Variants in ATP8A2 observed in about 807,000 individuals in gnomAD.
The protein encoded by ATP8A2 is ATPase phospholipid transporting 8A2, also known as phospholipid-transporting ATPase IB.
Under a neutral mutation model 165.6 loss-of-function variants are expected in ATP8A2, and 100 were observed. The observed-to-expected ratio is 0.60, with a 90% CI of 0.51 to 0.71. The LOEUF (loss-of-function observed/expected upper bound fraction) is 0.71. Ranked by LOEUF, ATP8A2 falls within the 30% of genes least tolerant of loss-of-function variation. ATP8A2 has a pLI of 0.00. For synonymous variants in ATP8A2, 543 were observed against 548.8 expected, an observed-to-expected ratio of 0.99 and a Z score of 0.15; for missense variants, 1,227 against 1,479.5, an observed-to-expected ratio of 0.83 and a Z score of 2.80.
chr13:25,717,839 G>A (rs757954052), intron 25 of ATP8A2, among the ~76,000 whole-genome samples: 2 of 152,158 alleles, frequency 1.3e-5, no homozygotes, highest in Non-Finnish European at 2.9e-5. Context: ...TGCAGTTCCT[G>A]TGGTCTGGCA....
chr13:25,617,221 C>G (rs2040849204), intron 24 of ATP8A2, among the ~76,000 whole-genome samples: 1 of 150,954 alleles, frequency 6.6e-6, no homozygotes, highest in African/African-American at 2.4e-5. Flanking sequence ...TTCATTTCCT[C>G]AAAGTTAATT....
chr13:25,469,064 C>G lies in ATP8A2; in HGVS notation c.164C>G (p.Ala55Gly). 4 of 1,614,106 alleles carry G rather than the reference C, an allele frequency of 2.5e-6. No homozygotes were observed. Among genetic ancestry groups the G allele is most frequent in the Admixed American group, 1.7e-5 (1 of 60,032 alleles). ...TSVGDQLEAP[A>G]RTIYLNQPHL... ...GTTGGAGACCAGCTGGAGGCACCCGCCCGCACCATTTACCTCAACCAACCG... is the reference window on the plus strand; with the variant it reads ...GTTGGAGACCAGCTGGAGGCACCCGGCCGCACCATTTACCTCAACCAACCG... Residue 55 changes from alanine (A) to glycine (G), a missense_variant, in exon 2 of 37, where the codon GCC becomes GGC. Coordinates refer to ENST00000381655, the MANE Select transcript of ATP8A2 (RefSeq NM_016529.6).
chr13:25,757,530 C>T (rs1026158031), intron 25 of ATP8A2, among the ~76,000 whole-genome samples: 2 of 146,844 alleles, frequency 1.4e-5, no homozygotes, highest in East Asian at 1.9e-4. Flanking sequence ...TGTGTGCACA[C>T]GCACTTAGAA....
chr13:25,470,955 G>A (rs2137531225), intron 2 of ATP8A2, among the ~76,000 whole-genome samples: 1 of 152,234 alleles, frequency 6.6e-6, no homozygotes, highest in Non-Finnish European at 1.5e-5. Context: ...CCTGGGGCTG[G>A]GGAAGAGAGA....
intron 25 of ATP8A2, among the ~76,000 whole-genome samples, chr13:25,732,083 C>T (rs2043661113): frequency 6.6e-6 from 1 of 152,182 alleles, no homozygotes. Flanking sequence ...TCTGTCTTCC[C>T]TGTGTTAGTG....
intron 35 of ATP8A2, among the ~76,000 whole-genome samples, chr13:25,982,542 G>A (rs191674566): frequency 2.0e-5 from 3 of 152,290 alleles, no homozygotes; most frequent in Non-Finnish European, 4.4e-5. Flanking sequence ...AAATCCAAGT[G>A]AGCTTTTTTA....
At chr13:25,825,352 T>G (rs771545842) in intron 27 of ATP8A2, among the ~76,000 whole-genome samples, 37 of 151,824 alleles carry the variant, frequency 2.4e-4, no homozygotes, top group Non-Finnish European at 3.2e-4. Flanking sequence ...AGAGATGGGG[T>G]CTCACTATGT....
intron 1 of ATP8A2, among the ~76,000 whole-genome samples, chr13:25,394,954 C>G (rs931793787): frequency 6.6e-6 from 1 of 152,126 alleles, no homozygotes; most frequent in Non-Finnish European, 1.5e-5. Context: ...CCCTTAGAAG[C>G]CTTCCCTTTT....
chr13:25,607,377 A>G (rs1180379219), intron 24 of ATP8A2, among the ~76,000 whole-genome samples: 1 of 152,192 alleles, frequency 6.6e-6, no homozygotes, highest in East Asian at 1.9e-4. Flanking sequence ...GATCACTTCA[A>G]TGCTACAAAG....
rs987957049 is a variant in ATP8A2 at position 25,953,288 on chromosome 13, A to T, written c.3184-8287A>T. On this transcript the variant is annotated intron_variant, in intron 33 of 36. Coordinates refer to ENST00000381655, the MANE Select transcript of ATP8A2 (RefSeq NM_016529.6). The surrounding 1 kb of genome is among the most constrained non-coding windows in gnomAD (Gnocchi z 6.7). ...CTTGAGGACTCAACTCTCTGGCTGC[A>T]GGTGCTGTGGGGAAGGGGCAGACTT... is the stretch of plus-strand genomic sequence containing the variant. 6.6e-6 allele frequency among the ~76,000 whole-genome samples: 1 copy of T among 152,042 alleles called. No individual in the cohort carries two copies. Among genetic ancestry groups the T allele is most frequent in the African/African-American group, 2.4e-5 (1 of 41,392 alleles).
chr13:25,897,180 C>G (rs1318134834), intron 33 of ATP8A2, among the ~76,000 whole-genome samples: 2 of 152,118 alleles, frequency 1.3e-5, no homozygotes, highest in Non-Finnish European at 2.9e-5. Flanking sequence ...ACTGGTTGTT[C>G]CTTTCTATGT....
chr13:25,932,448 G>T (rs968020181), intron 33 of ATP8A2, among the ~76,000 whole-genome samples: 1 of 152,188 alleles, frequency 6.6e-6, no homozygotes, highest in South Asian at 2.1e-4. Context: ...TCCCTCTGGG[G>T]TGGCTCTCGA....
chr13:25,867,500 C>G (rs936817403), intron 33 of ATP8A2, among the ~76,000 whole-genome samples: 8 of 152,082 alleles, frequency 5.3e-5, no homozygotes, highest in Admixed American at 4.6e-4. Flanking sequence ...GGAATCCACC[C>G]GAGGGTCAGG....
At chr13:25,878,651 T>G (rs1449393073) in intron 33 of ATP8A2, among the ~76,000 whole-genome samples, 1 of 152,026 alleles carries the variant, frequency 6.6e-6, no homozygotes, top group African/African-American at 2.4e-5. Context: ...ATGCCTTAAT[T>G]GTCTGGGAAT....
chr13:25,535,554 C>T (rs1024800232), intron 6 of ATP8A2, among the ~76,000 whole-genome samples: 1 of 152,172 alleles, frequency 6.6e-6, no homozygotes, highest in Non-Finnish European at 1.5e-5. Flanking sequence ...ATGCTCACAC[C>T]TGCAATCCCA....
chr13:25,573,338 G>A (rs1337374703), intron 18 of ATP8A2, among the ~76,000 whole-genome samples: 1 of 114,380 alleles, frequency 8.7e-6, no homozygotes, highest in East Asian at 2.0e-4. Context: ...GAGCCTATTG[G>A]TGTTGTCCTC....
At chr13:25,556,830 C>G (rs146952886) in intron 13 of ATP8A2, among the ~76,000 whole-genome samples, 1 of 152,116 alleles carries the variant, frequency 6.6e-6, no homozygotes, top group Non-Finnish European at 1.5e-5. Context: ...GGTTGTCTGT[C>G]GAGATCTGGC....
chr13:25,491,939 A>G (rs1435411262), intron 2 of ATP8A2, among the ~76,000 whole-genome samples: 1 of 152,264 alleles, frequency 6.6e-6, no homozygotes, highest in East Asian at 1.9e-4. Flanking sequence ...CCAAAGGATC[A>G]AAATTCAAGT....
chr13:25,984,502 G>A (rs1956233484), intron 35 of ATP8A2, among the ~76,000 whole-genome samples: 1 of 152,030 alleles, frequency 6.6e-6, no homozygotes, highest in Non-Finnish European at 1.5e-5. Context: ...TACTTGGGAG[G>A]CTAAGGCACG....
Sources: gnomAD v4.1 joint callset for allele counts (sites outside exome capture counted in the v4.1 genomes callset) on GRCh38, gnomAD v4.1.1 for gene constraint, Gnocchi (gnomAD v3.1) non-coding constraint, MANE v1.5 for transcripts, NCBI Gene and HGNC (gene_info 2026-07-23, HGNC 2026-07-21) for gene names.